The following RRM2B variants were observed in gnomAD, a reference collection of about 807,000 sequenced individuals.
The protein encoded by RRM2B is ribonucleotide reductase regulatory TP53 inducible subunit M2B.
A neutral mutation model predicts 45.9 loss-of-function variants in RRM2B; 20 were observed. The observed-to-expected ratio is 0.44, with a 90% CI of 0.31 to 0.63. The LOEUF is 0.63. Among genes scored for constraint, RRM2B ranks in the 30% least tolerant of loss-of-function variants. RRM2B has a pLI of 0.09. For missense variants in RRM2B, 320 were observed against 414.7 expected, an observed-to-expected ratio of 0.77 and a Z score of 1.98; for synonymous variants, 124 against 132.3, an observed-to-expected ratio of 0.94 and a Z score of 0.43.
At chr8:102,212,731 C>T (rs781087786) in intron 8 of RRM2B, 45 bp downstream of exon 8, 7 of 994,424 alleles carry the variant, frequency 7.0e-6, no homozygotes, top group Non-Finnish European at 1.1e-5. Flanking sequence ...TCCTTGCTTT[C>T]CTATAATATT....
At chr8:102,209,781 ATTAT>A (rs201272044) in intron 8 of RRM2B, among the ~76,000 whole-genome samples, 7,604 of 152,340 alleles carry the variant, frequency 0.05, 279 homozygotes, top group Admixed American at 0.093. Context: ...ACAGTGGAAT[ATTAT>A]TTATTTGGTC....
At chr8:102,222,098 G>C (rs1358656377) in intron 5 of RRM2B, among the ~76,000 whole-genome samples, 2 of 142,800 alleles carry the variant, frequency 1.4e-5, no homozygotes, top group African/African-American at 5.2e-5. Flanking sequence ...TTTTTTTTTA[G>C]AGTCTGGGTC....
At chr8:102,212,969 T>G in intron 7 of RRM2B, 80 bp from the exon 8 acceptor site, 1 of 778,994 alleles carries the variant, frequency 1.3e-6, no homozygotes, top group South Asian at 1.5e-5. Context: ...GGACTTTCGT[T>G]TTATTTCTAA....
At chr8:102,214,400 T>C (rs996282846) in intron 6 of RRM2B, 8 of 481,908 alleles carry the variant, frequency 1.7e-5, no homozygotes, top group Non-Finnish European at 2.7e-5. Flanking sequence ...ATAGAAAAAT[T>C]AATTTATGAA....
intron 2 of RRM2B, 101 bp from the exon 3 acceptor site, chr8:102,226,135 C>G: frequency 2.7e-6 from 2 of 740,310 alleles, no homozygotes; most frequent in Non-Finnish European, 4.9e-6. Context: ...ATCCCACTAC[C>G]AGTAAACTAT....
Position 102,205,047 on chromosome 8 carries a change from A to G in RRM2B, c.*3086T>C, listed in dbSNP as rs1364817278. 1 of 152,230 alleles carries G rather than the reference A, an allele frequency of 6.6e-6. No homozygotes were observed. The highest frequency in any genetic ancestry group is 2.4e-5 in the African/African-American group (1 of 41,474). The allele number at this position is 152,230 out of a possible 1,614,324, so 9.4% of individuals were successfully genotyped here. A position where few individuals can be genotyped will look rare whatever the true frequency, so the allele number is the denominator to read the frequency against. On this transcript the variant is annotated 3_prime_UTR_variant, in exon 9 of 9. Transcript: ENST00000251810. ...AATGGTGGGAAACAAAGAGATTTCA[A>G]TTCTGTGCCATTCATCCAGATTCTG...
chr8:102,234,721 G>A (rs28999686), intron 1 of RRM2B: 2,080 of 153,104 alleles, frequency 0.014, 20 homozygotes, highest in Non-Finnish European at 0.022. Flanking sequence ...GTGGTGGCGC[G>A]TACCTGTAGT....
chr8:102,231,409 G>A (rs1811026237), intron 2 of RRM2B, among the ~76,000 whole-genome samples: 1 of 152,194 alleles, frequency 6.6e-6, no homozygotes, highest in African/African-American at 2.4e-5. Flanking sequence ...AACTCTTCAT[G>A]CAGCGGCTCA....
rs768408766 is a variant in RRM2B at position 102,232,101 on chromosome 8, A to C, written c.204+48T>G. Reference sequence around the variant, plus strand: ...TTCAATATCCTGTAAAACAAGAAGGAACACTGCACTATAGGATGTGAATGC... The same window carrying C: ...TTCAATATCCTGTAAAACAAGAAGGCACACTGCACTATAGGATGTGAATGC... On this transcript the variant is annotated intron_variant, in intron 2 of 8. Transcript: ENST00000251810. 3.3e-6 allele frequency: 5 copies of C among 1,537,756 alleles called. No homozygotes were observed. The African/African-American group carries it at 6.8e-5, about 21-fold the overall frequency.
rs28609994 is a variant in RRM2B at position 102,215,790 on chromosome 8, T to C, written c.685-1632A>G. Among the ~76,000 whole-genome samples the C allele has an allele frequency of 4.8e-3, 728 of 151,850 alleles. 5 individuals are homozygous for C. Among genetic ancestry groups the C allele is most frequent in the Middle Eastern group, 0.02 (6 of 294 alleles). ...TGAGACCCTGCGTCTACAAAACTTT[T>C]TTAATTAACTGGATGTGGTGGTACA... On this transcript the variant is annotated intron_variant, in intron 6 of 8. Transcript: ENST00000251810.
intron 1 of RRM2B, chr8:102,238,463 T>C: frequency 8.9e-7 from 1 of 1,129,300 alleles, no homozygotes; most frequent in Non-Finnish European, 1.2e-6. Context: ...GCCGCCACAG[T>C]CCTCTTTCCT....
At position 102,238,808 on chromosome 8, in the gene RRM2B, A is replaced by C. The variant is rs1811177976; in HGVS notation, c.48+19T>G. The C allele has an allele frequency of 6.2e-7, 1 of 1,613,798 alleles. No individual in the cohort carries two copies. The highest frequency in any genetic ancestry group is 8.5e-7 in the Non-Finnish European group (1 of 1,179,914). ...TGGCGTGACTGCGGTGAGGGGGAAG[A>C]CGCAACAGCAACATTTACCTCATCC... On this transcript the variant is annotated intron_variant, in intron 1 of 8. Coordinates refer to ENST00000251810, the MANE Select transcript of RRM2B (RefSeq NM_015713.5).
At chr8:102,229,271 CAACAAA>C (rs1317394326) in intron 2 of RRM2B, among the ~76,000 whole-genome samples, 209 of 143,200 alleles carry the variant, frequency 1.5e-3, no homozygotes, top group African/African-American at 4.9e-3. Context: ...ACAACAACAA[CAACAAA>C]AAAAAAAAAA....
chr8:102,226,180 A>G, intron 2 of RRM2B, 146 bp from the exon 3 acceptor site: 1 of 624,730 alleles, frequency 1.6e-6, no homozygotes, highest in South Asian at 1.8e-5. Context: ...CAAAGAAATA[A>G]AAAAAAAAGT....
At position 102,204,907 on chromosome 8, in the gene RRM2B, A is replaced by G. The variant is rs1810517748; in HGVS notation, c.*3226T>C. The G allele has an allele frequency of 6.6e-6, 1 of 152,230 alleles. No homozygotes were observed. The allele number at this position is 152,230 out of a possible 1,614,324, so 9.4% of individuals were successfully genotyped here. On this transcript the variant is annotated 3_prime_UTR_variant, in exon 9 of 9. Coordinates refer to ENST00000251810, the MANE Select transcript of RRM2B (RefSeq NM_015713.5). ...TCCATCTTCACTTACATTTTTTTAAACAAGATTAAGCCCCAAATTGAAGGG... is the reference window on the plus strand; with the variant it reads ...TCCATCTTCACTTACATTTTTTTAAGCAAGATTAAGCCCCAAATTGAAGGG...
At chr8:102,233,263 G>A (rs952408851) in intron 1 of RRM2B, among the ~76,000 whole-genome samples, 1 of 152,144 alleles carries the variant, frequency 6.6e-6, no homozygotes, top group African/African-American at 2.4e-5. Context: ...GGAGGCTAAG[G>A]CTTAGCAAGA....
At chr8:102,215,709 G>T (rs1200368630) in intron 6 of RRM2B, among the ~76,000 whole-genome samples, 1 of 151,980 alleles carries the variant, frequency 6.6e-6, no homozygotes, top group Non-Finnish European at 1.5e-5. Flanking sequence ...ACTTTGGGAG[G>T]CCAAGTTGGG....
At chr8:102,218,757 A>C in intron 6 of RRM2B, 57 bp downstream of exon 6, 2 of 1,430,404 alleles carry the variant, frequency 1.4e-6, no homozygotes, top group Non-Finnish European at 1.9e-6. Flanking sequence ...GAAAAGAAAA[A>C]TAGATGAACA....
chr8:102,225,830 G>A, intron 3 of RRM2B, 88 bp downstream of exon 3: 1 of 807,576 alleles, frequency 1.2e-6, no homozygotes, highest in South Asian at 1.4e-5. Context: ...TAGACATCTT[G>A]TCTTTGGCTG....
Sources: allele counts gnomAD v4.1 joint callset (sites outside exome capture counted in the v4.1 genomes callset), GRCh38; gene constraint gnomAD v4.1.1; transcripts MANE v1.5; gene names NCBI Gene and HGNC (gene_info 2026-07-23, HGNC 2026-07-21).